SLC9C2: variants seen among roughly 807,000 people sequenced by gnomAD.
SLC9C2 encodes the protein sodium/hydrogen exchanger 11.
In SLC9C2, 75 loss-of-function variants were observed where a neutral mutation model predicts 140.2. The ratio of observed to expected loss-of-function variants is 0.53; its 90% CI spans 0.44 to 0.65. The LOEUF (loss-of-function observed/expected upper bound fraction) is 0.65. SLC9C2 is among the 30% of genes least tolerant of loss of function. The probability of loss-of-function intolerance (pLI) is 0.00; values close to 1 mark genes in which losing one functional copy is unlikely to be tolerated. For synonymous variants in SLC9C2, 375 were observed against 420.9 expected, an observed-to-expected ratio of 0.89 and a Z score of 1.34; for missense variants, 1,074 against 1,331.8, an observed-to-expected ratio of 0.81 and a Z score of 3.01.
At chr1:173,534,968 C>T (rs1189497563) in intron 15 of SLC9C2, among the ~76,000 whole-genome samples, 1 of 151,662 alleles carries the variant, frequency 6.6e-6, no homozygotes, top group African/African-American at 2.4e-5. Context: ...AAACAAAAAA[C>T]AAATAAATTT....
chr1:173,576,638 G>A (rs1665197496), intron 8 of SLC9C2, 23 bp downstream of exon 8: 9 of 1,501,846 alleles, frequency 6.0e-6, no homozygotes, highest in Admixed American at 1.8e-5. Context: ...GAGATCCATC[G>A]AAGGGCACGA....
At chr1:173,550,558 C>T (rs1663206189) in intron 11 of SLC9C2, among the ~76,000 whole-genome samples, 1 of 151,502 alleles carries the variant, frequency 6.6e-6, no homozygotes, top group Non-Finnish European at 1.5e-5. Flanking sequence ...CCTGCCTCAG[C>T]CTCCCAAGTA....
chr1:173,527,018 T>C (rs1167675493), intron 18 of SLC9C2, among the ~76,000 whole-genome samples: 1 of 152,034 alleles, frequency 6.6e-6, no homozygotes, highest in African/African-American at 2.4e-5. Flanking sequence ...CTGATTTTTG[T>C]ATTTTTAGTA....
Position 173,521,716 on chromosome 1 carries a change from A to T in SLC9C2, c.2641-317T>A, listed in dbSNP as rs78733418. On this transcript the variant is annotated intron_variant, in intron 21 of 27. Transcript: ENST00000367714. ...AGTAACTGATATAACTATGGAATAAATATGCATATTTATGAATGAAAACTT... is the reference window on the plus strand; with the variant it reads ...AGTAACTGATATAACTATGGAATAATTATGCATATTTATGAATGAAAACTT... Among the ~76,000 whole-genome samples the T allele has an allele frequency of 4.6e-3, 699 of 151,616 alleles. 4 individuals are homozygous for T. Among genetic ancestry groups the T allele is most frequent in the African/African-American group, 0.016 (667 of 41,444 alleles).
rs568574727 is a variant in SLC9C2 at position 173,558,730 on chromosome 1, C to T, written c.1047-1222G>A. Among the ~76,000 whole-genome samples the T allele has an allele frequency of 4.5e-4, 68 of 152,318 alleles. 1 individual carries two copies. The highest frequency in any genetic ancestry group is 1.5e-3 in the African/African-American group (64 of 41,580). ...GTATCCATACAAAATATTCAATCAG[C>T]AATGCTTACTATGTTCGTGTATTCC... On this transcript the variant is annotated intron_variant, in intron 9 of 27. Transcript: ENST00000367714.
At chr1:173,540,226 G>A (rs1925340) in intron 13 of SLC9C2, among the ~76,000 whole-genome samples, 23,168 of 152,106 alleles carry the variant, frequency 0.15, 2,454 homozygotes, top group East Asian at 0.36. Flanking sequence ...CCAAACCTGC[G>A]AGTGAGGACA....
chr1:173,502,272 C>CAAAAAAA (rs34183286), intron 27 of SLC9C2, among the ~76,000 whole-genome samples: 1 of 40,770 alleles, frequency 2.5e-5, no homozygotes, highest in Non-Finnish European at 5.4e-5. Flanking sequence ...GATTCCATCT[C>CAAAAAAA]AAAAAAAAAA....
chr1:173,533,524 C>T, intron 17 of SLC9C2, 85 bp downstream of exon 17: 1 of 996,164 alleles, frequency 1.0e-6, no homozygotes, highest in East Asian at 2.5e-5. Context: ...GCAATCCACC[C>T]ACCTAGGCCT....
At chr1:173,522,152 G>A (rs1384631698) in intron 21 of SLC9C2, among the ~76,000 whole-genome samples, 6 of 151,936 alleles carry the variant, frequency 3.9e-5, no homozygotes, top group African/African-American at 7.3e-5. Context: ...AACCCGGGAG[G>A]TGGAGCTTGC....
chr1:173,504,110 A>G (rs533761168), intron 26 of SLC9C2, among the ~76,000 whole-genome samples: 8 of 152,166 alleles, frequency 5.3e-5, no homozygotes, highest in Non-Finnish European at 1.0e-4. Flanking sequence ...GCAGAGCGGC[A>G]GACCTTCAGA....
At chr1:173,574,121 TG>T (rs75609184) in intron 8 of SLC9C2, among the ~76,000 whole-genome samples, 21,204 of 152,170 alleles carry the variant, frequency 0.14, 1,768 homozygotes, top group East Asian at 0.32. Flanking sequence ...GTAGCACGCC[TG>T]GGTCAGACCC....
At chr1:173,588,899 T>C (rs1666003502) in intron 4 of SLC9C2, among the ~76,000 whole-genome samples, 1 of 151,368 alleles carries the variant, frequency 6.6e-6, no homozygotes, top group Admixed American at 6.6e-5. Flanking sequence ...ATAGTGAGAC[T>C]CCCACCTCTA....
intron 1 of SLC9C2, 112 bp downstream of exon 1, chr1:173,602,639 C>T (rs1666855142): frequency 1.3e-5 from 2 of 152,218 alleles, no homozygotes; most frequent in African/African-American, 4.8e-5. Flanking sequence ...CTGTGCAAAT[C>T]TATGCAGTGG....
chr1:173,565,257 G>T (rs1243258907), intron 9 of SLC9C2, among the ~76,000 whole-genome samples: 2 of 152,068 alleles, frequency 1.3e-5, no homozygotes, highest in Non-Finnish European at 2.9e-5. Flanking sequence ...TGCACTTGTG[G>T]ATTATTACTC....
intron 19 of SLC9C2, 98 bp from the exon 20 acceptor site, chr1:173,525,025 A>G: frequency 8.0e-7 from 1 of 1,251,884 alleles, no homozygotes; most frequent in Non-Finnish European, 1.1e-6. Flanking sequence ...CATTTACACA[A>G]TATTCTTTGA....
rs895941693 is a variant in SLC9C2 at position 173,586,318 on chromosome 1, T to C, written c.523+1347A>G. Among the ~76,000 whole-genome samples, 7 of 152,158 alleles carry C rather than the reference T, an allele frequency of 4.6e-5. No individual in the cohort carries two copies. In the East Asian group the frequency reaches 1.4e-3, roughly 29 times the overall value. The stretch of plus-strand genomic sequence containing the variant: ...AACTCTATGTTTTCCCAGCTAGGAG[T>C]ATGAAAATAAGAATATCACAAGCTG... On this transcript the variant is annotated intron_variant, in intron 5 of 27. Transcript: ENST00000367714.
At chr1:173,519,920 G>A (rs190386211) in intron 22 of SLC9C2, among the ~76,000 whole-genome samples, 1,560 of 152,180 alleles carry the variant, frequency 0.01, 21 homozygotes, top group African/African-American at 0.035. Flanking sequence ...AGGCCAAGGC[G>A]GGCGGATCAC....
chr1:173,569,624 G>A (rs1419596701), intron 9 of SLC9C2, among the ~76,000 whole-genome samples: 2 of 151,800 alleles, frequency 1.3e-5, no homozygotes, highest in Non-Finnish European at 2.9e-5. Flanking sequence ...TAGGTGTGCC[G>A]CATTCTTTTT....
chr1:173,574,936 C>T (rs1665077900), intron 8 of SLC9C2, among the ~76,000 whole-genome samples: 1 of 151,920 alleles, frequency 6.6e-6, no homozygotes, highest in Admixed American at 6.6e-5. Context: ...CTGGGAAACA[C>T]GGTGAAACCC....
Sources: allele counts gnomAD v4.1 joint callset (sites outside exome capture counted in the v4.1 genomes callset), GRCh38; gene constraint gnomAD v4.1.1; transcripts MANE v1.5; gene names NCBI Gene and HGNC (gene_info 2026-07-23, HGNC 2026-07-21).